PARP16: variants seen among roughly 807,000 people sequenced by gnomAD.
The protein encoded by PARP16 is poly(ADP-ribose) polymerase family member 16.
A neutral mutation model predicts 35.0 loss-of-function variants in PARP16; 31 were observed. That is an observed-to-expected ratio of 0.88 (90% CI 0.66 to 1.19). The LOEUF is 1.19. Ranked by LOEUF, PARP16 falls within the 50% of genes most tolerant of loss-of-function variation. The probability of loss-of-function intolerance (pLI) is 0.00; values close to 1 mark genes in which losing one functional copy is unlikely to be tolerated. For missense variants in PARP16, 424 were observed against 411.2 expected, an observed-to-expected ratio of 1.03 and a Z score of -0.27; for synonymous variants, 162 against 169.5, an observed-to-expected ratio of 0.96 and a Z score of 0.34.
At chr15:65,244,927 G>C (rs2089168987) in intron 3 of PARP16, among the ~76,000 whole-genome samples, 1 of 152,212 alleles carries the variant, frequency 6.6e-6, no homozygotes, top group Admixed American at 6.5e-5. Flanking sequence ...CTGTATGACT[G>C]ACAAGCCAAC....
chr15:65,247,494 C>T (rs993356568), intron 3 of PARP16, among the ~76,000 whole-genome samples: 2 of 152,100 alleles, frequency 1.3e-5, no homozygotes, highest in African/African-American at 4.8e-5. Context: ...AATCAATCAC[C>T]CTCCTTCTGT....
At chr15:65,256,890 C>T (rs1482808768), downstream of PARP16, among the ~76,000 whole-genome samples, 1 of 152,178 alleles carries the variant, frequency 6.6e-6, no homozygotes. Flanking sequence ...AGAACCAATT[C>T]CTCTGGGGGA....
chr15:65,252,005 C>T (rs2089375965), intron 2 of PARP16, among the ~76,000 whole-genome samples: 1 of 152,054 alleles, frequency 6.6e-6, no homozygotes, highest in African/African-American at 2.4e-5. Flanking sequence ...ACCTCGTGAT[C>T]CACCCGCCTC....
At chr15:65,266,970 G>A (rs1445484994) in intron 2 of PARP16, among the ~76,000 whole-genome samples, 1 of 152,054 alleles carries the variant, frequency 6.6e-6, no homozygotes, top group Non-Finnish European at 1.5e-5. Flanking sequence ...GGTCGGGTGT[G>A]GTGGCTCACA....
chr15:65,255,054 G>A (rs924973559), downstream of PARP16, among the ~76,000 whole-genome samples: 2 of 152,188 alleles, frequency 1.3e-5, no homozygotes, highest in African/African-American at 2.4e-5. Context: ...CTTTTCACAA[G>A]ACCTTAGGCA....
downstream of PARP16, among the ~76,000 whole-genome samples, chr15:65,255,701 G>C (rs114484989): frequency 0.014 from 2,043 of 150,720 alleles, 47 homozygotes; most frequent in African/African-American, 0.042. Context: ...TTGCAGGGAG[G>C]GGGGTTGGAG....
chr15:65,239,258 C>G (rs547522473), intron 3 of PARP16, among the ~76,000 whole-genome samples: 1 of 150,958 alleles, frequency 6.6e-6, no homozygotes, highest in East Asian at 2.0e-4. Context: ...AAACTGCGGT[C>G]TCTACTAAAA....
At chr15:65,272,471 T>C (rs1263524567) in intron 1 of PARP16, among the ~76,000 whole-genome samples, 8 of 152,136 alleles carry the variant, frequency 5.3e-5, no homozygotes, top group Admixed American at 3.3e-4. Context: ...CAGCATGGCA[T>C]TTAAACACCT....
At chr15:65,276,981 TAAA>T (rs566620242) in intron 1 of PARP16, among the ~76,000 whole-genome samples, 1 of 139,704 alleles carries the variant, frequency 7.2e-6, no homozygotes, top group African/African-American at 2.7e-5. Flanking sequence ...AAACTTCATC[TAAA>T]AAAAAAAAAA....
chr15:65,277,853 G>C (rs2090302561), intron 1 of PARP16, among the ~76,000 whole-genome samples: 2 of 152,248 alleles, frequency 1.3e-5, no homozygotes, highest in African/African-American at 4.8e-5. Flanking sequence ...GCTACTGGCT[G>C]TGCCTAAGCC....
intron 3 of PARP16, among the ~76,000 whole-genome samples, chr15:65,235,821 T>C (rs965576195): frequency 6.3e-5 from 9 of 143,424 alleles, no homozygotes; most frequent in Non-Finnish European, 9.0e-5. Flanking sequence ...GGCGACAGAG[T>C]GAGACCCTGT....
chr15:65,264,270 C>A (rs1162465913), intron 3 of PARP16, among the ~76,000 whole-genome samples: 4 of 152,152 alleles, frequency 2.6e-5, no homozygotes, highest in African/African-American at 7.2e-5. Context: ...CAATTGCCAG[C>A]ACAGTAATAT....
chr15:65,285,156 TA>T (rs2090547048), intron 1 of PARP16, among the ~76,000 whole-genome samples: 1 of 150,084 alleles, frequency 6.7e-6, no homozygotes, highest in African/African-American at 2.5e-5. Context: ...TTTTTTTTTT[TA>T]ATGGAGTTTC....
intron 1 of PARP16, among the ~76,000 whole-genome samples, chr15:65,275,611 C>T (rs1426042702): frequency 6.6e-6 from 1 of 152,060 alleles, no homozygotes; most frequent in Non-Finnish European, 1.5e-5. Flanking sequence ...GGGGAAGTGG[C>T]TGCCAAGAGG....
At chr15:65,261,119 A>AG (rs1206379993) in intron 4 of PARP16, 93 bp from the exon 5 acceptor site, 3 of 1,179,166 alleles carry the variant, frequency 2.5e-6, no homozygotes, top group Admixed American at 2.1e-5. Context: ...CCTGGTGCTG[A>AG]GGGGGAAGAA....
intron 1 of PARP16, among the ~76,000 whole-genome samples, chr15:65,277,644 T>C (rs1595715250): frequency 6.6e-6 from 1 of 152,190 alleles, no homozygotes; most frequent in Non-Finnish European, 1.5e-5. Context: ...AGGGTGGGGA[T>C]ATGAAGCCAG....
intron 3 of PARP16, among the ~76,000 whole-genome samples, chr15:65,237,504 G>A (rs1180040618): frequency 1.3e-5 from 2 of 152,154 alleles, no homozygotes; most frequent in Non-Finnish European, 2.9e-5. Context: ...AATTCTATGT[G>A]TCCTTAGGGT....
downstream of PARP16, among the ~76,000 whole-genome samples, chr15:65,253,331 A>C: frequency 1.3e-5 from 2 of 149,594 alleles, no homozygotes; most frequent in African/African-American, 2.5e-5. Context: ...GTCTAATTTC[A>C]TTCTCTTTTT....
intron 3 of PARP16, among the ~76,000 whole-genome samples, chr15:65,245,520 TG>T (rs2089186801): frequency 6.6e-6 from 1 of 152,142 alleles, no homozygotes; most frequent in Admixed American, 6.5e-5. Flanking sequence ...ACCGCTGCTG[TG>T]GGGTCATGGA....
Sources: gnomAD v4.1 joint callset for allele counts (sites outside exome capture counted in the v4.1 genomes callset) on GRCh38, gnomAD v4.1.1 for gene constraint, MANE v1.5 for transcripts, NCBI Gene and HGNC (gene_info 2026-07-23, HGNC 2026-07-21) for gene names.